The following MRPL30 variants were observed in gnomAD, a reference collection of about 807,000 sequenced individuals.
MRPL30 encodes large ribosomal subunit protein uL30m.
In MRPL30, 10 loss-of-function variants were observed where a neutral mutation model predicts 17.2. That is an observed-to-expected ratio of 0.58 (90% CI 0.36 to 0.99). The LOEUF (loss-of-function observed/expected upper bound fraction) is 0.99. MRPL30 is among the 50% of genes least tolerant of loss of function. The pLI, the probability that MRPL30 is intolerant of heterozygous loss-of-function variation, is 0.01. For missense variants in MRPL30, 170 were observed against 189.8 expected (o/e 0.90, Z 0.61); for synonymous variants, 61 against 62.1 (o/e 0.98, Z 0.08).
At chr2:99,186,036 CTTA>C (rs932891375) in intron 1 of MRPL30, 138 bp from the exon 2 acceptor site, 5 of 592,944 alleles carry the variant, frequency 8.4e-6, no homozygotes, top group African/African-American at 7.5e-5. Flanking sequence ...AATTCGTGCC[CTTA>C]TTATATTAAA....
intron 1 of MRPL30, among the ~76,000 whole-genome samples, chr2:99,185,459 C>T (rs1170714829): frequency 6.6e-6 from 1 of 152,058 alleles, no homozygotes; most frequent in African/African-American, 2.4e-5. Flanking sequence ...AATTAAGTAA[C>T]CTGTCCGAGA....
At chr2:99,181,468 C>G (rs992166090) in intron 1 of MRPL30, among the ~76,000 whole-genome samples, 16 of 152,266 alleles carry the variant, frequency 1.1e-4, no homozygotes, top group African/African-American at 3.4e-4. Context: ...GGCCACGCGG[C>G]TTTTTGTGCC....
intron 3 of MRPL30, among the ~76,000 whole-genome samples, chr2:99,188,757 G>T (rs539953208): frequency 6.6e-6 from 1 of 152,084 alleles, no homozygotes; most frequent in South Asian, 2.1e-4. Flanking sequence ...CTGGAGTGCA[G>T]TGGTGCAATC....
At chr2:99,193,313 G>A (rs1185047306) in intron 3 of MRPL30, among the ~76,000 whole-genome samples, 16 of 152,166 alleles carry the variant, frequency 1.1e-4, no homozygotes, top group Admixed American at 1.0e-3. Flanking sequence ...TTATTAAAAA[G>A]TCAAGAAACA....
intron 1 of MRPL30, among the ~76,000 whole-genome samples, chr2:99,184,872 C>T (rs1185950733): frequency 6.6e-6 from 1 of 152,220 alleles, no homozygotes; most frequent in Admixed American, 6.5e-5. Context: ...ACAGGAAAGA[C>T]TTGCAGAACT....
At chr2:99,186,014 CATTT>C (rs1313607005) in intron 1 of MRPL30, among the ~76,000 whole-genome samples, 159 bp from the exon 2 acceptor site, 1 of 152,170 alleles carries the variant, frequency 6.6e-6, no homozygotes, top group Non-Finnish European at 1.5e-5. Context: ...TTGAATAAAA[CATTT>C]ATAAATTAAT....
Position 99,195,123 on chromosome 2 carries a change from C to T in MRPL30, c.287C>T (p.Thr96Ile). The change falls in exon 5 of 6, where the codon ACC becomes ATC. Residue 96 changes from threonine to isoleucine, a missense_variant. Transcript: ENST00000338148. ...IKMLGLEKAH[T>I]PQVHKNIPSV... ...TGTTGTTGTTGTTCACAGGCACATA[C>T]CCCTCAAGTTCACAAGAATATCCCT... The T allele has an allele frequency of 3.8e-6, 6 of 1,597,494 alleles. No homozygotes were observed. The highest frequency in any genetic ancestry group is 4.5e-5 in the East Asian group (2 of 44,462).
At chr2:99,187,838 A>G (rs992378623) in intron 2 of MRPL30, among the ~76,000 whole-genome samples, 2 of 152,110 alleles carry the variant, frequency 1.3e-5, no homozygotes, top group Non-Finnish European at 2.9e-5. Context: ...AAAAAAAAAA[A>G]AAGAAAAGTT....
At chr2:99,191,852 G>A (rs75980231) in intron 3 of MRPL30, among the ~76,000 whole-genome samples, 4,087 of 151,936 alleles carry the variant, frequency 0.027, 106 homozygotes, top group Non-Finnish European at 0.038. Flanking sequence ...ATTACTTTTC[G>A]TGCTTTTTTC....
intron 3 of MRPL30, among the ~76,000 whole-genome samples, chr2:99,191,975 C>T (rs1331111137): frequency 6.6e-6 from 1 of 151,992 alleles, no homozygotes; most frequent in African/African-American, 2.4e-5. Flanking sequence ...CTCTGATCTC[C>T]ACCATCCTTC....
chr2:99,182,828 T>C (rs2093927442), intron 1 of MRPL30, among the ~76,000 whole-genome samples: 1 of 152,232 alleles, frequency 6.6e-6, no homozygotes, highest in Non-Finnish European at 1.5e-5. Context: ...CTTCTATGAA[T>C]ATAACAGACC....
At chr2:99,194,491 A>G (rs1005913017) in intron 3 of MRPL30, among the ~76,000 whole-genome samples, 1 of 152,198 alleles carries the variant, frequency 6.6e-6, no homozygotes, top group African/African-American at 2.4e-5. Context: ...CCCAGCTCAT[A>G]GCAGTGCTTA....
In MRPL30 at chr2:99,186,225, G is replaced by A; in HGVS notation, c.22G>A (p.Val8Ile). 2 of 1,614,050 alleles carry A rather than the reference G, an allele frequency of 1.2e-6. No individual in the cohort carries two copies. Among genetic ancestry groups the A allele is most frequent in the Non-Finnish European group, 1.7e-6 (2 of 1,179,970 alleles). Residue 8 changes from valine to isoleucine, a missense_variant, in exon 2 of 6, where the codon GTA becomes ATA. Physicochemically the swap from Val to Ile is conservative, Grantham distance 29. Transcript: ENST00000338148. ...ACTTATGGCTGGGATTTTGCGCTTA[G>A]TAGTTCAATGGCCCCCAGGCAGACT... Reference protein sequence around the residue: MAGILRLVVQWPPGRLQT... With the variant: MAGILRLIVQWPPGRLQT...
At chr2:99,193,389 G>A (rs1305716001) in intron 3 of MRPL30, among the ~76,000 whole-genome samples, 1 of 152,102 alleles carries the variant, frequency 6.6e-6, no homozygotes, top group Non-Finnish European at 1.5e-5. Context: ...CTACAAAACT[G>A]TTTTTAATCA....
chr2:99,192,500 C>T (rs2093948413), intron 3 of MRPL30, among the ~76,000 whole-genome samples: 1 of 152,144 alleles, frequency 6.6e-6, no homozygotes, highest in Non-Finnish European at 1.5e-5. Flanking sequence ...GTTTTCTGTT[C>T]CTGTATTAGT....
At chr2:99,194,037 CA>C (rs33944983) in intron 3 of MRPL30, among the ~76,000 whole-genome samples, 104 of 130,242 alleles carry the variant, frequency 8.0e-4, no homozygotes, top group African/African-American at 8.0e-4. Context: ...GACTCCATCT[CA>C]AAAAAAAAAA....
At chr2:99,190,675 A>G (rs374427843) in intron 3 of MRPL30, among the ~76,000 whole-genome samples, 160 of 152,318 alleles carry the variant, frequency 1.1e-3, no homozygotes, top group African/African-American at 3.7e-3. Flanking sequence ...TTCTGGAAGG[A>G]TAGATACAAA....
rs74549821 is a variant in MRPL30, at chr2:99,189,092, C to T, written c.132+835C>T. 4.8e-3 allele frequency among the ~76,000 whole-genome samples: 724 copies of T among 152,276 alleles called. 9 individuals carry two copies. Among genetic ancestry groups the T allele is most frequent in the African/African-American group, 0.017 (687 of 41,544 alleles). On this transcript the variant is annotated intron_variant, in intron 3 of 5. Coordinates refer to ENST00000338148, the MANE Select transcript of MRPL30 (RefSeq NM_145212.4). ...ATGGAGAGTTCCTATGTGCTCCCTC[C>T]GCCCAGCATATACAGTGTCCCCCAC...
rs1376977498 is a variant in MRPL30, at chr2:99,181,218, A to G, written c.-59A>G. ...CCTCTGCTCTGCTTCCCTTCGGAGG[A>G]AAATTTCAGGCTGAAGGTTTAGCGG... On this transcript the variant is annotated 5_prime_UTR_variant, in exon 1 of 6. Transcript: ENST00000338148. The G allele has an allele frequency of 7.9e-6, 4 of 504,022 alleles. No individual in the cohort carries two copies. The Admixed American group carries it at 1.2e-4, about 15-fold the overall frequency. 31.2% of individuals were successfully genotyped at this position (504,022 alleles called of 1,614,324 possible).
Sources: allele counts gnomAD v4.1 joint callset (sites outside exome capture counted in the v4.1 genomes callset), GRCh38; gene constraint gnomAD v4.1.1; transcripts MANE v1.5; gene names NCBI Gene and HGNC (gene_info 2026-07-23, HGNC 2026-07-21).